The following PPP2R5D variants were observed in gnomAD, a reference collection of about 807,000 sequenced individuals.
PPP2R5D encodes serine/threonine-protein phosphatase 2A 56 kDa regulatory subunit delta isoform.
PPP2R5D carries 12 observed loss-of-function variants against 79.1 expected under a neutral mutation model. The ratio of observed to expected loss-of-function variants is 0.15; its 90% CI spans 0.10 to 0.25. PPP2R5D has a LOEUF of 0.25. Among genes scored for constraint, PPP2R5D ranks in the 10% least tolerant of loss-of-function variants. The probability of loss-of-function intolerance (pLI) is 1.00; values close to 1 mark genes in which losing one functional copy is unlikely to be tolerated. For synonymous variants in PPP2R5D, 277 were observed against 286.6 expected, an observed-to-expected ratio of 0.97 and a Z score of 0.34; for missense variants, 419 against 760.2, an observed-to-expected ratio of 0.55 and a Z score of 5.28.
chr6:43,008,962 C>T lies in PPP2R5D; in HGVS notation c.1081-95C>T. On this transcript the variant is annotated intron_variant, in intron 10 of 15. Coordinates refer to ENST00000485511, the MANE Select transcript of PPP2R5D (RefSeq NM_006245.4). This position sits in a 1 kb window ranked among gnomAD's most constrained non-coding sequence, Gnocchi z 4.2. ...GCTGGCTGAGATCACCCAAACTGTG[C>T]CCACCAGGGTGGGGGAGAGAGCAGG... The T allele has an allele frequency of 6.2e-6, 9 of 1,443,480 alleles. No individual in the cohort carries two copies. In the South Asian group the frequency reaches 1.1e-4, roughly 18 times the overall value. 89.4% of individuals were successfully genotyped at this position (1,443,480 alleles called of 1,614,324 possible).
In PPP2R5D at chr6:43,008,969, G is replaced by C; in HGVS notation, c.1081-88G>C. On this transcript the variant is annotated intron_variant, in intron 10 of 15. Transcript: ENST00000485511. The surrounding 1 kb of genome is among the most constrained non-coding windows in gnomAD (Gnocchi z 4.2). ...GAGATCACCCAAACTGTGCCCACCAGGGTGGGGGAGAGAGCAGGTAGGAAA... is the reference window on the plus strand; with the variant it reads ...GAGATCACCCAAACTGTGCCCACCACGGTGGGGGAGAGAGCAGGTAGGAAA... 6.8e-7 allele frequency: 1 copy of C among 1,467,924 alleles called. No homozygotes were observed. The allele number at this position is 1,467,924 out of a possible 1,614,324, so 90.9% of individuals were successfully genotyped here.
rs2150281266 is a variant in PPP2R5D at position 43,009,169 on chromosome 6, A to G, written c.1193A>G (p.Lys398Arg). 6 of 1,614,096 alleles carry G rather than the reference A, an allele frequency of 3.7e-6. No homozygotes were observed. Among genetic ancestry groups the G allele is most frequent in the Non-Finnish European group, 5.1e-6 (6 of 1,180,016 alleles). Residue 398 changes from lysine to arginine, a missense_variant, in exon 11 of 16, where the codon AAA (lysine) becomes AGA (arginine). Lys to Arg is a conservative substitution (Grantham distance 26). Coordinates refer to ENST00000485511, the MANE Select transcript of PPP2R5D (RefSeq NM_006245.4). The surrounding 1 kb of genome is among the most constrained non-coding windows in gnomAD (Gnocchi z 5.6). Reference sequence around the variant, plus strand: ...GTCATTGAACCTTCTGAGTTCAGCAAAGTGATGGAACCCCTCTTCCGCCAG... The same window carrying G: ...GTCATTGAACCTTCTGAGTTCAGCAGAGTGATGGAACCCCTCTTCCGCCAG... ...LDVIEPSEFS[K>R]VMEPLFRQLA...
Position 43,008,947 on chromosome 6 carries a change from A to G in PPP2R5D, c.1081-110A>G. On this transcript the variant is annotated intron_variant, in intron 10 of 15. Coordinates refer to ENST00000485511, the MANE Select transcript of PPP2R5D (RefSeq NM_006245.4). The surrounding 1 kb of genome is among the most constrained non-coding windows in gnomAD (Gnocchi z 4.2). ...GCAAAGAAACGGGTAGCTGGCTGAG[A>G]TCACCCAAACTGTGCCCACCAGGGT... 7.3e-7 allele frequency: 1 copy of G among 1,370,812 alleles called. No individual in the cohort carries two copies. The highest frequency in any genetic ancestry group is 2.3e-5 in the East Asian group (1 of 43,258). The allele number at this position is 1,370,812 out of a possible 1,614,324, so 84.9% of individuals were successfully genotyped here.
chr6:42,992,848 A>G (rs1771363944), intron 2 of PPP2R5D, among the ~76,000 whole-genome samples: 1 of 152,004 alleles, frequency 6.6e-6, no homozygotes, highest in Admixed American at 6.6e-5. Flanking sequence ...ACAAATTATT[A>G]CAAATTGGGT....
At chr6:42,993,873 G>T (rs973056258) in intron 2 of PPP2R5D, among the ~76,000 whole-genome samples, 7 of 152,202 alleles carry the variant, frequency 4.6e-5, no homozygotes, top group African/African-American at 1.7e-4. Flanking sequence ...AGGGGAGGGG[G>T]TAGGGGACTG....
chr6:42,995,130 T>TC (rs1183864691), intron 2 of PPP2R5D, among the ~76,000 whole-genome samples: 1 of 134,136 alleles, frequency 7.5e-6, no homozygotes, highest in Non-Finnish European at 1.5e-5. Flanking sequence ...TTCTTTCTTT[T>TC]TTTTTTTTTT....
intron 2 of PPP2R5D, among the ~76,000 whole-genome samples, chr6:42,991,960 T>C (rs1001837261): frequency 2.6e-5 from 4 of 152,178 alleles, no homozygotes; most frequent in African/African-American, 7.2e-5. Context: ...TCCATGATTT[T>C]GTAGAAATGT....
At chr6:43,005,330 TGG>T (rs1199146218) in intron 2 of PPP2R5D, among the ~76,000 whole-genome samples, 18 of 152,170 alleles carry the variant, frequency 1.2e-4, no homozygotes, top group Non-Finnish European at 7.4e-5. Flanking sequence ...TTGTTCAGGC[TGG>T]AGTGCAGTTG....
At position 43,012,147 on chromosome 6, in the gene PPP2R5D, C is replaced by T; in HGVS notation, c.*861C>T. ...TTGTGCTATGCTGGGCAGGCCTTCT[C>T]TTGTCCCTTATAGGTACCTTGGAGG... On this transcript the variant is annotated 3_prime_UTR_variant, in exon 16 of 16. Coordinates refer to ENST00000485511, the MANE Select transcript of PPP2R5D (RefSeq NM_006245.4). 2.0e-6 allele frequency: 2 copies of T among 1,018,636 alleles called. No homozygotes were observed. Among genetic ancestry groups the T allele is most frequent in the Non-Finnish European group, 2.4e-6 (2 of 840,532 alleles). 63.1% of individuals were successfully genotyped at this position (1,018,636 alleles called of 1,614,324 possible).
At chr6:43,005,564 C>T (rs1762028367) in intron 2 of PPP2R5D, among the ~76,000 whole-genome samples, 1 of 152,038 alleles carries the variant, frequency 6.6e-6, no homozygotes, top group Non-Finnish European at 1.5e-5. Flanking sequence ...CTTTGGCTTC[C>T]CAAAGTGTTG....
intron 2 of PPP2R5D, among the ~76,000 whole-genome samples, chr6:42,990,701 T>A (rs1771198306): frequency 2.7e-5 from 1 of 36,616 alleles, no homozygotes; most frequent in South Asian, 1.4e-3. Flanking sequence ...GTATTCTACT[T>A]TTTTTTTTTT....
Position 43,007,335 on chromosome 6 carries a change from T to TGGCTGC in PPP2R5D, c.633+30_633+35dup. The TGGCTGC allele has an allele frequency of 6.2e-7, 1 of 1,611,306 alleles. No individual in the cohort carries two copies. Among genetic ancestry groups the TGGCTGC allele is most frequent in the Non-Finnish European group, 8.5e-7 (1 of 1,177,426 alleles). On this transcript the variant is annotated intron_variant, in intron 5 of 15. Transcript: ENST00000485511. This position sits in a 1 kb window ranked among gnomAD's most constrained non-coding sequence, Gnocchi z 4.5. The stretch of plus-strand genomic sequence containing the variant: ...CCAGGGCAAGGGGGCAGATTGGCCG[T>TGGCTGC]GGCTGCAGGGAGTGGGGCACTTGGA...
At chr6:42,997,252 G>GC (rs1165919403) in intron 2 of PPP2R5D, among the ~76,000 whole-genome samples, 1 of 151,968 alleles carries the variant, frequency 6.6e-6, no homozygotes, top group Non-Finnish European at 1.5e-5. Flanking sequence ...GAGTGCAATG[G>GC]CGTGATCTCA....
intron 2 of PPP2R5D, among the ~76,000 whole-genome samples, chr6:43,005,809 A>AT (rs1381044355): frequency 6.6e-6 from 1 of 151,992 alleles, no homozygotes; most frequent in African/African-American, 2.4e-5. Flanking sequence ...TTTAGTAGAG[A>AT]TGGGGTTTCA....
intron 2 of PPP2R5D, among the ~76,000 whole-genome samples, chr6:43,001,300 C>T (rs1438595369): frequency 6.6e-6 from 1 of 152,124 alleles, no homozygotes; most frequent in Non-Finnish European, 1.5e-5. Flanking sequence ...CGCCACCTCG[C>T]CCGGCTAACT....
At chr6:42,998,784 C>T (rs1177868757) in intron 2 of PPP2R5D, among the ~76,000 whole-genome samples, 1 of 152,146 alleles carries the variant, frequency 6.6e-6, no homozygotes, top group Non-Finnish European at 1.5e-5. Flanking sequence ...CCTGTAATCC[C>T]AGCACTTTGG....
At chr6:42,988,162 C>T (rs1770992962) in intron 1 of PPP2R5D, among the ~76,000 whole-genome samples, 1 of 152,220 alleles carries the variant, frequency 6.6e-6, no homozygotes, top group Non-Finnish European at 1.5e-5. Flanking sequence ...GAGCTCTCTT[C>T]TCCCTGAAAT....
In PPP2R5D at chr6:43,011,017, G is replaced by A. The variant is rs766604336; in HGVS notation, c.1671+20G>A. On this transcript the variant is annotated intron_variant, in intron 15 of 15. Coordinates refer to ENST00000485511, the MANE Select transcript of PPP2R5D (RefSeq NM_006245.4). ...GTTCAGGTGGGAGGGCAATGTAGGG[G>A]GATGGAGCAGAAATAATAGCTCTGG... is the stretch of plus-strand genomic sequence containing the variant. 1 of 1,610,398 alleles carries A rather than the reference G, an allele frequency of 6.2e-7. No homozygotes were observed. The highest frequency in any genetic ancestry group is 1.7e-5 in the Admixed American group (1 of 59,992).
Position 43,007,973 on chromosome 6 carries a change from G to C in PPP2R5D, c.765G>C (p.Arg255=). 2 of 1,614,112 alleles carry C rather than the reference G, an allele frequency of 1.2e-6. No homozygotes were observed. The highest frequency in any genetic ancestry group is 1.7e-6 in the Non-Finnish European group (2 of 1,180,018). Residue 255 remains arginine (R), a synonymous_variant, in exon 7 of 16, where the codon CGG becomes CGC. Transcript: ENST00000485511. This position sits in a 1 kb window ranked among gnomAD's most constrained non-coding sequence, Gnocchi z 4.5. Reference sequence around the variant, plus strand: ...TTGACAGTGAGGATCCTCGAGAGCGGGACTTCCTCAAGACCATTTTGCATC... The same window carrying C: ...TTGACAGTGAGGATCCTCGAGAGCGCGACTTCCTCAAGACCATTTTGCATC... ...DLFDSEDPRE[R]DFLKTILHRI... is the part of the protein sequence containing the mutation.
Sources: gnomAD v4.1 joint callset for allele counts (sites outside exome capture counted in the v4.1 genomes callset) on GRCh38, gnomAD v4.1.1 for gene constraint, Gnocchi (gnomAD v3.1) non-coding constraint, MANE v1.5 for transcripts, NCBI Gene and HGNC (gene_info 2026-07-23, HGNC 2026-07-21) for gene names.